Variants in CSMD1 observed in about 807,000 individuals in gnomAD.
CSMD1 encodes the protein CUB and sushi domain-containing protein 1.
CSMD1 carries 213 observed loss-of-function variants against 417.5 expected under a neutral mutation model. That is an observed-to-expected ratio of 0.51 (90% CI 0.46 to 0.57). The LOEUF (loss-of-function observed/expected upper bound fraction) is 0.57. Ranked by LOEUF, CSMD1 falls within the 20% of genes least tolerant of loss-of-function variation. CSMD1 has a pLI of 0.00. For synonymous variants in CSMD1, 2,862 were observed against 1,736.8 expected, an observed-to-expected ratio of 1.65 and a Z score of -16.11; for missense variants, 6,923 against 4,529.7, an observed-to-expected ratio of 1.53 and a Z score of -15.17.
At chr8:3,498,453 T>C (rs902505635) in intron 10 of CSMD1, among the ~76,000 whole-genome samples, 11 of 152,222 alleles carry the variant, frequency 7.2e-5, no homozygotes, top group African/African-American at 2.2e-4. Flanking sequence ...TGACTTTTGA[T>C]AGTTTGATTA....
intron 1 of CSMD1, among the ~76,000 whole-genome samples, chr8:4,895,459 G>A (rs1159150452): frequency 6.6e-6 from 1 of 152,044 alleles, no homozygotes; most frequent in African/African-American, 2.4e-5. Flanking sequence ...TTGTTATTCT[G>A]CTTTATCATT....
chr8:4,854,191 G>C (rs935260556), intron 1 of CSMD1, among the ~76,000 whole-genome samples: 3 of 152,286 alleles, frequency 2.0e-5, no homozygotes, highest in African/African-American at 7.2e-5. Flanking sequence ...AGAAGGGCAT[G>C]AGATTTGGGG....
intron 52 of CSMD1, among the ~76,000 whole-genome samples, chr8:3,007,182 A>C (rs1253137438): frequency 2.0e-5 from 3 of 150,168 alleles, no homozygotes; most frequent in Admixed American, 2.0e-4. Flanking sequence ...AATGCTCATC[A>C]TCACTGGCCA....
At position 3,179,177 on chromosome 8, in the gene CSMD1, C is replaced by T. The variant is rs1335248499; in HGVS notation, c.5725+1933G>A. ...AGCCAGGACTGTCTCGATCTCCTGACCTCGTGATCTGCCCGCCTTGGCCTC... is the reference window on the plus strand; with the variant it reads ...AGCCAGGACTGTCTCGATCTCCTGATCTCGTGATCTGCCCGCCTTGGCCTC... On this transcript the variant is annotated intron_variant, in intron 37 of 69. Coordinates refer to ENST00000635120, the MANE Select transcript of CSMD1 (RefSeq NM_033225.6). Among the ~76,000 whole-genome samples the T allele has an allele frequency of 2.2e-4, 34 of 151,826 alleles. 1 individual carries two copies. In the South Asian group the frequency reaches 3.1e-3, roughly 14 times the overall value.
chr8:3,972,077 C>T (rs941992484), intron 5 of CSMD1, among the ~76,000 whole-genome samples: 3 of 152,042 alleles, frequency 2.0e-5, no homozygotes, highest in African/African-American at 7.2e-5. Flanking sequence ...CTGTATGTTG[C>T]CCAGGCTGAT....
intron 5 of CSMD1, among the ~76,000 whole-genome samples, chr8:3,874,375 A>G (rs893033512): frequency 6.6e-6 from 1 of 152,228 alleles, no homozygotes; most frequent in Admixed American, 6.5e-5. Context: ...AACTCTTTAA[A>G]GACGTACTTT....
At chr8:4,828,674 A>G (rs1173057092) in intron 1 of CSMD1, among the ~76,000 whole-genome samples, 1 of 152,146 alleles carries the variant, frequency 6.6e-6, no homozygotes, top group Non-Finnish European at 1.5e-5. Flanking sequence ...TACATTGACC[A>G]GAGCCCAGGT....
intron 2 of CSMD1, among the ~76,000 whole-genome samples, chr8:4,549,131 C>G (rs758652223): frequency 4.6e-5 from 7 of 152,086 alleles, no homozygotes; most frequent in Non-Finnish European, 7.4e-5. Context: ...AAAATAGCAT[C>G]TTGCCCCAAT....
chr8:3,370,072 T>C (rs535082977), intron 18 of CSMD1, among the ~76,000 whole-genome samples: 1 of 152,376 alleles, frequency 6.6e-6, no homozygotes, highest in South Asian at 2.1e-4. Context: ...TGGTACCTAC[T>C]GATAGATACT....
chr8:4,018,770 T>G (rs1011345240), intron 4 of CSMD1, among the ~76,000 whole-genome samples: 1 of 152,164 alleles, frequency 6.6e-6, no homozygotes, highest in Non-Finnish European at 1.5e-5. Context: ...TGGCACAGAC[T>G]CTGTAGCCAA....
chr8:4,293,405 T>A (rs549107286), intron 3 of CSMD1, among the ~76,000 whole-genome samples: 1 of 152,338 alleles, frequency 6.6e-6, no homozygotes, highest in South Asian at 2.1e-4. Context: ...CCTGCATTAT[T>A]AACCAAAGCT....
chr8:3,287,342 G>A (rs1293101901), intron 25 of CSMD1, among the ~76,000 whole-genome samples: 2 of 152,134 alleles, frequency 1.3e-5, no homozygotes, highest in Non-Finnish European at 2.9e-5. Flanking sequence ...TGTGAAGAAA[G>A]TCATTGGTAA....
chr8:4,934,007 T>TAAAAAG, intron 1 of CSMD1, among the ~76,000 whole-genome samples: 1 of 150,616 alleles, frequency 6.6e-6, no homozygotes, highest in Non-Finnish European at 1.5e-5. Flanking sequence ...GCTTTTTTTT[T>TAAAAAG]AAAAAAAAAT....
intron 5 of CSMD1, among the ~76,000 whole-genome samples, chr8:3,884,039 A>G (rs1198210920): frequency 6.6e-6 from 1 of 152,222 alleles, no homozygotes; most frequent in Non-Finnish European, 1.5e-5. Flanking sequence ...TGCAAAAGAT[A>G]ACATTAACTT....
chr8:3,991,149 G>C (rs1485155746), intron 5 of CSMD1, among the ~76,000 whole-genome samples: 3 of 152,202 alleles, frequency 2.0e-5, no homozygotes, highest in Admixed American at 6.5e-5. Context: ...CCCCACAGTA[G>C]ACATTGTGGA....
intron 3 of CSMD1, among the ~76,000 whole-genome samples, chr8:4,172,291 AG>A (rs1190601386): frequency 6.6e-6 from 1 of 152,212 alleles, no homozygotes; most frequent in Admixed American, 6.5e-5. Context: ...CTTGCAATGC[AG>A]TAACCACTGA....
intron 10 of CSMD1, among the ~76,000 whole-genome samples, chr8:3,540,847 T>G (rs1798407859): frequency 6.6e-6 from 1 of 152,062 alleles, no homozygotes. Context: ...TTCATGCCAG[T>G]CAGATCACAA....
chr8:3,134,999 T>C (rs1344049252), intron 41 of CSMD1, among the ~76,000 whole-genome samples: 2 of 152,238 alleles, frequency 1.3e-5, no homozygotes, highest in South Asian at 2.1e-4. Context: ...TGGCAGCTCA[T>C]TGCAGCCTTG....
At chr8:4,310,533 G>GTTTA (rs1798502312) in intron 3 of CSMD1, among the ~76,000 whole-genome samples, 1 of 151,800 alleles carries the variant, frequency 6.6e-6, no homozygotes, top group Non-Finnish European at 1.5e-5. Flanking sequence ...AAATATCTTT[G>GTTTA]GACACAATAA....
Sources: gnomAD v4.1 joint callset for allele counts (sites outside exome capture counted in the v4.1 genomes callset) on GRCh38, gnomAD v4.1.1 for gene constraint, MANE v1.5 for transcripts, NCBI Gene and HGNC (gene_info 2026-07-23, HGNC 2026-07-21) for gene names.